The following CAMTA1 variants were observed in gnomAD, a reference collection of about 807,000 sequenced individuals.
CAMTA1 encodes calmodulin binding transcription activator 1, also known as calmodulin-binding transcription activator 1.
CAMTA1 carries 27 observed loss-of-function variants against 170.9 expected under a neutral mutation model. That is an observed-to-expected ratio of 0.16 (90% CI 0.12 to 0.22). CAMTA1 has a LOEUF of 0.22. Ranked by LOEUF, CAMTA1 falls within the 10% of genes least tolerant of loss-of-function variation. CAMTA1 has a pLI of 1.00. For synonymous variants in CAMTA1, 833 were observed against 891.5 expected, an observed-to-expected ratio of 0.93 and a Z score of 1.17; for missense variants, 1,619 against 2,217.2, an observed-to-expected ratio of 0.73 and a Z score of 5.42.
chr1:7,000,251 C>G (rs376021641), intron 3 of CAMTA1, among the ~76,000 whole-genome samples: 2 of 152,368 alleles, frequency 1.3e-5, no homozygotes, highest in East Asian at 3.9e-4. Context: ...CCTGCAGCCC[C>G]CTGCGTGGGG....
At chr1:7,116,852 C>T (rs1021621437) in intron 4 of CAMTA1, among the ~76,000 whole-genome samples, 1 of 150,948 alleles carries the variant, frequency 6.6e-6, no homozygotes, top group African/African-American at 2.4e-5. Flanking sequence ...CGGGGTTTCA[C>T]CGTGTTAGCC....
chr1:7,218,296 A>G (rs1419462357), intron 4 of CAMTA1, among the ~76,000 whole-genome samples: 1 of 152,048 alleles, frequency 6.6e-6, no homozygotes, highest in Non-Finnish European at 1.5e-5. Context: ...CCTCCACCTT[A>G]TGGTTGGGAT....
chr1:7,068,562 G>GA (rs1709264905), intron 3 of CAMTA1, among the ~76,000 whole-genome samples: 1 of 152,078 alleles, frequency 6.6e-6, no homozygotes, highest in Non-Finnish European at 1.5e-5. Context: ...AGGTGCCAGA[G>GA]AAAATCCATC....
At chr1:7,276,255 T>A (rs1670573902) in intron 5 of CAMTA1, among the ~76,000 whole-genome samples, 2 of 120,984 alleles carry the variant, frequency 1.7e-5, no homozygotes, top group South Asian at 6.1e-4. Flanking sequence ...ATAAAGGAAA[T>A]CTACAGAAAG....
At chr1:7,359,518 C>G (rs2085380913) in intron 5 of CAMTA1, among the ~76,000 whole-genome samples, 1 of 152,234 alleles carries the variant, frequency 6.6e-6, no homozygotes, top group Admixed American at 6.5e-5. Flanking sequence ...CCTCATCCCT[C>G]ACCCCATTCG....
intron 3 of CAMTA1, among the ~76,000 whole-genome samples, chr1:6,880,164 A>G (rs902244202): frequency 1.3e-5 from 2 of 151,842 alleles, no homozygotes; most frequent in Non-Finnish European, 2.9e-5. Flanking sequence ...CACGATGATC[A>G]TCACTGTGAC....
intron 11 of CAMTA1, among the ~76,000 whole-genome samples, chr1:7,703,985 G>A (rs1341424381): frequency 1.3e-5 from 2 of 151,992 alleles, no homozygotes; most frequent in African/African-American, 4.8e-5. Context: ...AGGGGGCCCA[G>A]CGCCGCACCC....
chr1:7,280,137 C>T (rs1407674665), intron 5 of CAMTA1, among the ~76,000 whole-genome samples: 1 of 152,228 alleles, frequency 6.6e-6, no homozygotes, highest in Non-Finnish European at 1.5e-5. Flanking sequence ...ACCCAGTAAC[C>T]AGTCTTCCCA....
At chr1:7,491,025 T>C (rs866587623) in intron 6 of CAMTA1, among the ~76,000 whole-genome samples, 1 of 152,238 alleles carries the variant, frequency 6.6e-6, no homozygotes, top group Non-Finnish European at 1.5e-5. Flanking sequence ...TTTCTTTGAA[T>C]TTGTGTGAGT....
chr1:6,861,777 T>C (rs1664780399), intron 3 of CAMTA1, among the ~76,000 whole-genome samples: 1 of 152,196 alleles, frequency 6.6e-6, no homozygotes, highest in Non-Finnish European at 1.5e-5. Flanking sequence ...TTCACATTGC[T>C]GTGCAACCAT....
chr1:7,494,787 G>C (rs1040786322), intron 6 of CAMTA1, among the ~76,000 whole-genome samples: 2 of 152,154 alleles, frequency 1.3e-5, no homozygotes, highest in Admixed American at 1.3e-4. Context: ...GTGGGTGACA[G>C]ATTGAGACCC....
At chr1:6,889,891 T>C (rs964644698) in intron 3 of CAMTA1, among the ~76,000 whole-genome samples, 1 of 152,224 alleles carries the variant, frequency 6.6e-6, no homozygotes, top group African/African-American at 2.4e-5. Flanking sequence ...TGCTGCTGCA[T>C]GTGTGTACCT....
chr1:7,471,694 G>A (rs977352884), intron 6 of CAMTA1, among the ~76,000 whole-genome samples: 6 of 152,270 alleles, frequency 3.9e-5, no homozygotes, highest in Non-Finnish European at 7.3e-5. Context: ...GCCTGATGTG[G>A]GTGTCACTGC....
In CAMTA1 at chr1:7,736,008, CAA is replaced by C. The variant is rs2096769655; in HGVS notation, c.3067-335_3067-334del. On this transcript the variant is annotated intron_variant, in intron 12 of 22. Transcript: ENST00000303635. This position sits in a 1 kb window ranked among gnomAD's most constrained non-coding sequence, Gnocchi z 4.5. Reference sequence around the variant, plus strand: ...CAGGCTGGTCTCGAACTCCTGACCACAAGAGATCTGCCCGCCTCAGCCTCCCA... The same window carrying C: ...CAGGCTGGTCTCGAACTCCTGACCACGAGATCTGCCCGCCTCAGCCTCCCA... 6.6e-6 allele frequency among the ~76,000 whole-genome samples: 1 copy of C among 152,030 alleles called. No homozygotes were observed. The highest frequency in any genetic ancestry group is 2.4e-5 in the African/African-American group (1 of 41,390).
At chr1:7,011,304 A>G (rs1351971309) in intron 3 of CAMTA1, among the ~76,000 whole-genome samples, 1 of 152,130 alleles carries the variant, frequency 6.6e-6, no homozygotes, top group African/African-American at 2.4e-5. Context: ...TCTTGGGTTC[A>G]AATGATGCTG....
intron 3 of CAMTA1, among the ~76,000 whole-genome samples, chr1:6,891,930 TGTTGTAAGGGAGGCCAAGGA>T (rs1674582248): frequency 6.6e-6 from 1 of 152,116 alleles, no homozygotes; most frequent in African/African-American, 2.4e-5. Flanking sequence ...TGAACCTGAA[TGTTGTAAGGGAGGCCAAGGA>T]GTGGCCTGGT....
chr1:7,062,042 C>T (rs1444565979), intron 3 of CAMTA1, among the ~76,000 whole-genome samples: 15 of 152,092 alleles, frequency 9.9e-5, no homozygotes, highest in Admixed American at 7.2e-4. Context: ...CTCAGCCTCC[C>T]GAGTAGCTGG....
At chr1:6,787,613 C>T (rs1009610451) in intron 1 of CAMTA1, among the ~76,000 whole-genome samples, 27 of 152,138 alleles carry the variant, frequency 1.8e-4, no homozygotes, top group Admixed American at 1.1e-3. Context: ...TAGATATTAA[C>T]GTTGTTGGTA....
intron 3 of CAMTA1, among the ~76,000 whole-genome samples, chr1:7,053,059 G>A (rs150047879): frequency 2.6e-5 from 4 of 152,320 alleles, no homozygotes; most frequent in African/African-American, 9.6e-5. Flanking sequence ...AGCGGACACA[G>A]CCATGCAGGG....
Sources: allele counts gnomAD v4.1 joint callset (sites outside exome capture counted in the v4.1 genomes callset), GRCh38; gene constraint gnomAD v4.1.1; non-coding constraint Gnocchi (gnomAD v3.1); transcripts MANE v1.5; gene names NCBI Gene and HGNC (gene_info 2026-07-23, HGNC 2026-07-21).